The following NXPH1 variants were observed in gnomAD, a reference collection of about 807,000 sequenced individuals.
NXPH1 encodes neurexophilin 1.
Under a neutral mutation model 23.7 loss-of-function variants are expected in NXPH1, and 5 were observed. The observed-to-expected ratio is 0.21, with a 90% CI of 0.11 to 0.44. The LOEUF (loss-of-function observed/expected upper bound fraction) is 0.44. Ranked by LOEUF, NXPH1 falls within the 20% of genes least tolerant of loss-of-function variation. The pLI, the probability that NXPH1 is intolerant of heterozygous loss-of-function variation, is 0.99. For synonymous variants in NXPH1, 144 were observed against 122.2 expected (o/e 1.18, Z -1.18); for missense variants, 324 against 321.6 (o/e 1.01, Z -0.06).
intron 2 of NXPH1, among the ~76,000 whole-genome samples, chr7:8,537,173 C>T (rs571131780): frequency 1.3e-5 from 2 of 151,964 alleles, no homozygotes; most frequent in South Asian, 2.1e-4. Context: ...GACGGATGAA[C>T]GGATGGATGA....
chr7:8,497,546 T>G (rs559127226), intron 2 of NXPH1, among the ~76,000 whole-genome samples: 1 of 152,280 alleles, frequency 6.6e-6, no homozygotes, highest in South Asian at 2.1e-4. Context: ...TTTTTAATGA[T>G]CGCCATTCTA....
At chr7:8,542,811 A>G (rs1454192189) in intron 2 of NXPH1, among the ~76,000 whole-genome samples, 1 of 151,534 alleles carries the variant, frequency 6.6e-6, no homozygotes, top group Non-Finnish European at 1.5e-5. Context: ...ATATAGGAAT[A>G]CCATTTTAGG....
intron 2 of NXPH1, among the ~76,000 whole-genome samples, chr7:8,709,897 T>C (rs191651677): frequency 7.2e-5 from 11 of 152,226 alleles, no homozygotes; most frequent in South Asian, 4.1e-4. Flanking sequence ...AGCCAAGTAG[T>C]TGAACTTACT....
At chr7:8,712,341 G>C (rs1040844198) in intron 2 of NXPH1, among the ~76,000 whole-genome samples, 10 of 152,080 alleles carry the variant, frequency 6.6e-5, no homozygotes, top group African/African-American at 2.4e-4. Flanking sequence ...ATAAATCTTT[G>C]TGTCAGCACC....
At chr7:8,503,926 C>A (rs148247766) in intron 2 of NXPH1, among the ~76,000 whole-genome samples, 80 of 152,154 alleles carry the variant, frequency 5.3e-4, no homozygotes, top group Middle Eastern at 6.8e-3. Context: ...CTCAGTTCAG[C>A]CTGCAAAGCC....
chr7:8,592,153 T>C (rs767566296), intron 2 of NXPH1, among the ~76,000 whole-genome samples: 74 of 151,910 alleles, frequency 4.9e-4, no homozygotes, highest in African/African-American at 1.7e-3. Context: ...ATTGAGGAAG[T>C]GATATTTAAG....
intron 2 of NXPH1, 103 bp from the exon 3 acceptor site, chr7:8,750,905 T>C (rs1279041208): frequency 8.6e-7 from 1 of 1,160,432 alleles, no homozygotes; most frequent in East Asian, 2.4e-5. Flanking sequence ...TAAAAAAAAG[T>C]GTAATTATTT....
chr7:8,460,638 A>T (rs761688355), intron 2 of NXPH1, among the ~76,000 whole-genome samples: 1 of 152,212 alleles, frequency 6.6e-6, no homozygotes, highest in Non-Finnish European at 1.5e-5. Flanking sequence ...CTAGATGAGT[A>T]GAAAGTTAGG....
chr7:8,736,051 G>T (rs190149851), intron 2 of NXPH1, among the ~76,000 whole-genome samples: 2 of 150,668 alleles, frequency 1.3e-5, no homozygotes, highest in Non-Finnish European at 3.0e-5. Context: ...TCCTAGCCAT[G>T]TATTTTGTTA....
chr7:8,712,678 T>G (rs1400797222), intron 2 of NXPH1, among the ~76,000 whole-genome samples: 1 of 152,240 alleles, frequency 6.6e-6, no homozygotes, highest in Non-Finnish European at 1.5e-5. Flanking sequence ...TCTCATTGAC[T>G]TCTTATGTCA....
intron 2 of NXPH1, among the ~76,000 whole-genome samples, chr7:8,490,261 AC>A (rs1055218460): frequency 6.6e-6 from 1 of 152,110 alleles, no homozygotes; most frequent in Non-Finnish European, 1.5e-5. Flanking sequence ...ATTTTAAAAA[AC>A]ACAGGAGAGA....
intron 2 of NXPH1, among the ~76,000 whole-genome samples, chr7:8,539,884 A>C (rs9640070): frequency 6.6e-6 from 1 of 151,856 alleles, no homozygotes; most frequent in Non-Finnish European, 1.5e-5. Flanking sequence ...AACAAGGAAT[A>C]TATGAGTTAC....
chr7:8,693,170 C>T (rs1020691210), intron 2 of NXPH1, among the ~76,000 whole-genome samples: 3 of 152,030 alleles, frequency 2.0e-5, no homozygotes, highest in African/African-American at 4.8e-5. Flanking sequence ...AAACAACCCC[C>T]GCCGCCAAAA....
At chr7:8,606,506 T>A (rs1031207627) in intron 2 of NXPH1, among the ~76,000 whole-genome samples, 2 of 152,156 alleles carry the variant, frequency 1.3e-5, no homozygotes, top group African/African-American at 4.8e-5. Context: ...ACTGTCTCTT[T>A]CCTCTGCTGA....
chr7:8,692,150 G>A (rs1050169692), intron 2 of NXPH1, among the ~76,000 whole-genome samples: 2 of 151,572 alleles, frequency 1.3e-5, no homozygotes, highest in Non-Finnish European at 2.9e-5. Flanking sequence ...GATTCTGTTG[G>A]GCTTTGTAAA....
chr7:8,637,790 A>T lies in NXPH1; in HGVS notation c.55-113218A>T, dbSNP rs1820242928. Among the ~76,000 whole-genome samples, 3 of 152,206 alleles carry T rather than the reference A, an allele frequency of 2.0e-5. No individual in the cohort carries two copies. In the South Asian group the frequency reaches 6.2e-4, roughly 32 times the overall value. Reference sequence around the variant, plus strand: ...ACACAGAGATTGATATTTTTCTTACATAAGTGGTTTAAGTCAGGAAATAAA... The same window carrying T: ...ACACAGAGATTGATATTTTTCTTACTTAAGTGGTTTAAGTCAGGAAATAAA... On this transcript the variant is annotated intron_variant, in intron 2 of 2. Coordinates refer to ENST00000405863, the MANE Select transcript of NXPH1 (RefSeq NM_152745.3).
chr7:8,438,866 A>G (rs1816244385), intron 2 of NXPH1, among the ~76,000 whole-genome samples: 3 of 152,178 alleles, frequency 2.0e-5, no homozygotes, highest in Admixed American at 1.3e-4. Context: ...TCCTAGTTCA[A>G]AATAGAAGCT....
In NXPH1 at chr7:8,438,157, G is replaced by A. The variant is rs114522321; in HGVS notation, c.54+2390G>A. ...GTGAATTGGGCAGTCATTTCGGGAT[G>A]GTTTTAGGCAAATAAAGAAGTAGAG... On this transcript the variant is annotated intron_variant, in intron 2 of 2. Transcript: ENST00000405863. Among the ~76,000 whole-genome samples, 421 of 152,328 alleles carry A rather than the reference G, an allele frequency of 2.8e-3. 3 individuals carry two copies. Among genetic ancestry groups the A allele is most frequent in the African/African-American group, 9.7e-3 (403 of 41,572 alleles).
chr7:8,562,466 C>G (rs1262501960), intron 2 of NXPH1, among the ~76,000 whole-genome samples: 1 of 151,148 alleles, frequency 6.6e-6, no homozygotes, highest in Non-Finnish European at 1.5e-5. Flanking sequence ...AACTTACTTT[C>G]CTTTTCCTCT....
Sources: gnomAD v4.1 joint callset for allele counts (sites outside exome capture counted in the v4.1 genomes callset) on GRCh38, gnomAD v4.1.1 for gene constraint, MANE v1.5 for transcripts, NCBI Gene and HGNC (gene_info 2026-07-23, HGNC 2026-07-21) for gene names.